PTPRK: variants seen among roughly 807,000 people sequenced by gnomAD.
The protein encoded by PTPRK is receptor-type tyrosine-protein phosphatase kappa.
Under a neutral mutation model 178.0 loss-of-function variants are expected in PTPRK, and 75 were observed. That is an observed-to-expected ratio of 0.42 (90% confidence interval 0.35 to 0.51). The LOEUF (loss-of-function observed/expected upper bound fraction) is 0.51. Ranked by LOEUF, PTPRK falls within the 20% of genes least tolerant of loss-of-function variation. PTPRK has a pLI of 0.02. For synonymous variants in PTPRK, 637 were observed against 620.6 expected (o/e 1.03, Z -0.39); for missense variants, 1,441 against 1,797.8 (o/e 0.80, Z 3.59).
At chr6:128,065,964 C>T (rs540209692) in intron 12 of PTPRK, among the ~76,000 whole-genome samples, 2 of 152,232 alleles carry the variant, frequency 1.3e-5, no homozygotes, top group Non-Finnish European at 2.9e-5. Context: ...TTTGATTAAA[C>T]CACAGTGCAG....
At chr6:128,207,598 C>T (rs867840794) in intron 6 of PTPRK, among the ~76,000 whole-genome samples, 3 of 152,218 alleles carry the variant, frequency 2.0e-5, no homozygotes, top group Middle Eastern at 6.8e-3. Flanking sequence ...AAAAGATAGC[C>T]TGTACCATAT....
chr6:128,078,851 T>C lies in PTPRK; in HGVS notation c.1845A>G (p.Val615=), dbSNP rs762671724. Reference sequence around the variant, plus strand: ...CTTTGGCTTGTGCTGGTCTCAACAATACAGTTATTGTGGTGGCAGTTTCAT... The same window carrying C: ...CTTTGGCTTGTGCTGGTCTCAACAACACAGTTATTGTGGTGGCAGTTTCAT... ...SLNETATTIT[V]LLRPAQAKGA... Residue 615 remains valine, a synonymous_variant, in exon 11 of 30, where the codon GTA becomes GTG. Transcript: ENST00000368226. 6.2e-7 allele frequency: 1 copy of C among 1,612,374 alleles called. No homozygotes were observed. Among genetic ancestry groups the C allele is most frequent in the South Asian group, 1.1e-5 (1 of 91,032 alleles).
intron 3 of PTPRK, among the ~76,000 whole-genome samples, chr6:128,305,856 A>G (rs907223718): frequency 6.6e-6 from 1 of 152,238 alleles, no homozygotes; most frequent in African/African-American, 2.4e-5. Context: ...ATTATGTGTT[A>G]TATGCTAGCT....
In PTPRK at chr6:128,089,776, T is replaced by C; in HGVS notation, c.1379A>G (p.Tyr460Cys). The change falls in exon 8 of 30, where the codon TAT becomes TGT. Residue 460 changes from tyrosine (Y) to cysteine (C), a missense_variant. Tyr to Cys is a radical substitution (Grantham distance 194). Transcript: ENST00000368226. ...PQHVVNHLPP[Y>C]TNVSLKMILT... Reference sequence around the variant, plus strand: ...GATCATCTTGAGGCTGACATTTGTATAAGGTGGCAGATGGTTCACAACATG... The same window carrying C: ...GATCATCTTGAGGCTGACATTTGTACAAGGTGGCAGATGGTTCACAACATG... 2 of 1,613,464 alleles carry C rather than the reference T, an allele frequency of 1.2e-6. No individual in the cohort carries two copies. Among genetic ancestry groups the C allele is most frequent in the Non-Finnish European group, 1.7e-6 (2 of 1,179,388 alleles).
intron 7 of PTPRK, among the ~76,000 whole-genome samples, chr6:128,177,102 C>T (rs1801189196): frequency 6.6e-6 from 1 of 151,572 alleles, no homozygotes; most frequent in Admixed American, 6.6e-5. Context: ...CATAGTGACC[C>T]CAATAGCACC....
At chr6:128,327,230 C>T (rs1339190) in intron 2 of PTPRK, among the ~76,000 whole-genome samples, 147,785 of 152,180 alleles carry the variant, frequency 0.97, 71,899 homozygotes, top group East Asian at 1. Context: ...GAAATTGGAT[C>T]AATAGCAAAG....
intron 3 of PTPRK, among the ~76,000 whole-genome samples, chr6:128,261,076 C>T (rs1818108396): frequency 6.6e-6 from 1 of 152,050 alleles, no homozygotes; most frequent in Non-Finnish European, 1.5e-5. Flanking sequence ...AGCCTCTAAA[C>T]TTCATTTTCT....
chr6:128,518,094 T>C (rs1278942722), intron 1 of PTPRK, among the ~76,000 whole-genome samples: 2 of 152,226 alleles, frequency 1.3e-5, no homozygotes, highest in African/African-American at 4.8e-5. Flanking sequence ...AAATCCACAA[T>C]CTGACTTTAA....
intron 13 of PTPRK, among the ~76,000 whole-genome samples, chr6:128,010,185 C>T (rs1489577014): frequency 6.6e-6 from 1 of 151,258 alleles, no homozygotes; most frequent in Non-Finnish European, 1.5e-5. Context: ...ACTATATCTT[C>T]TGTCTTTTAA....
rs538691133 is a variant in PTPRK at position 128,139,657 on chromosome 6, A to G, written c.1162+44775T>C. Among the ~76,000 whole-genome samples the G allele has an allele frequency of 9.2e-5, 14 of 152,080 alleles. No individual in the cohort carries two copies. In the South Asian group the frequency reaches 2.9e-3, roughly 32 times the overall value. ...CTCTCTCTTTCTAACACTAATCTGA[A>G]TGTACAAACATATCTAAATCCAGGT... On this transcript the variant is annotated intron_variant, in intron 7 of 29. Coordinates refer to ENST00000368226, the MANE Select transcript of PTPRK (RefSeq NM_002844.4).
intron 13 of PTPRK, among the ~76,000 whole-genome samples, chr6:128,009,852 A>G (rs1003780998): frequency 1.3e-5 from 2 of 151,268 alleles, no homozygotes; most frequent in African/African-American, 2.4e-5. Flanking sequence ...AATATTTCAA[A>G]TTCTTTTATT....
At chr6:128,040,123 T>G (rs1294121412) in intron 13 of PTPRK, among the ~76,000 whole-genome samples, 1 of 152,152 alleles carries the variant, frequency 6.6e-6, no homozygotes, top group Non-Finnish European at 1.5e-5. Flanking sequence ...TCTTAGGAAC[T>G]TCAATTTTTA....
intron 1 of PTPRK, among the ~76,000 whole-genome samples, chr6:128,435,054 A>AAGGC (rs1562514806): frequency 5.1e-5 from 3 of 58,872 alleles, no homozygotes; most frequent in Admixed American, 1.8e-4. Flanking sequence ...GGCAGGAAGG[A>AAGGC]AGGAAGGAAG....
chr6:128,055,592 TTTTTG>T (rs768184472), intron 13 of PTPRK, among the ~76,000 whole-genome samples: 11 of 152,158 alleles, frequency 7.2e-5, no homozygotes, highest in African/African-American at 9.6e-5. Context: ...TGCTTATTGT[TTTTTG>T]TTTTGTTTTG....
chr6:127,982,257 C>T (rs207467440), intron 24 of PTPRK, among the ~76,000 whole-genome samples: 7 of 151,994 alleles, frequency 4.6e-5, no homozygotes, highest in African/African-American at 1.4e-4. Context: ...AATCACCACT[C>T]ATTTTGACTT....
intron 7 of PTPRK, among the ~76,000 whole-genome samples, chr6:128,111,861 G>A (rs374588800): frequency 7.9e-5 from 12 of 151,924 alleles, no homozygotes; most frequent in African/African-American, 2.9e-4. Flanking sequence ...CTGGAGTGAG[G>A]GCACTTCTCA....
At chr6:128,090,020 G>C (rs1253124163) in intron 7 of PTPRK, 28 bp from the exon 8 acceptor site, 1 of 1,515,658 alleles carries the variant, frequency 6.6e-7, no homozygotes, top group African/African-American at 1.4e-5. Context: ...GTTGTAGACA[G>C]CTGTCTATTA....
chr6:128,364,377 C>T (rs1051247497), intron 2 of PTPRK, among the ~76,000 whole-genome samples: 4 of 152,024 alleles, frequency 2.6e-5, no homozygotes, highest in African/African-American at 7.2e-5. Flanking sequence ...ATTATCCCTA[C>T]CTAAACTTGC....
intron 7 of PTPRK, among the ~76,000 whole-genome samples, chr6:128,116,007 TC>T (rs567239013): frequency 6.6e-6 from 1 of 152,040 alleles, no homozygotes; most frequent in Non-Finnish European, 1.5e-5. Context: ...TTAACATTCC[TC>T]CCCAAAACTA....
Sources: gnomAD v4.1 joint callset for allele counts (sites outside exome capture counted in the v4.1 genomes callset) on GRCh38, gnomAD v4.1.1 for gene constraint, MANE v1.5 for transcripts, NCBI Gene and HGNC (gene_info 2026-07-23, HGNC 2026-07-21) for gene names.